The following FTO variants were observed in gnomAD, a reference collection of about 807,000 sequenced individuals.
FTO encodes FTO alpha-ketoglutarate dependent dioxygenase.
Under a neutral mutation model 63.9 loss-of-function variants are expected in FTO, and 47 were observed. That is an observed-to-expected ratio of 0.74 (90% CI 0.58 to 0.94). The LOEUF is 0.94. Ranked by LOEUF, FTO falls within the 40% of genes least tolerant of loss-of-function variation. The probability of loss-of-function intolerance (pLI) is 0.00; values close to 1 mark genes in which losing one functional copy is unlikely to be tolerated. For synonymous variants in FTO, 207 were observed against 224.4 expected, an observed-to-expected ratio of 0.92 and a Z score of 0.69; for missense variants, 562 against 618.1, an observed-to-expected ratio of 0.91 and a Z score of 0.96.
intron 8 of FTO, among the ~76,000 whole-genome samples, chr16:54,094,915 G>A (rs974351009): frequency 1.3e-5 from 2 of 152,018 alleles, no homozygotes; most frequent in African/African-American, 2.4e-5. Flanking sequence ...AAAACCCTCC[G>A]GCGGTTCCCC....
intron 1 of FTO, among the ~76,000 whole-genome samples, chr16:53,760,129 G>A (rs1330045576): frequency 6.6e-6 from 1 of 151,898 alleles, no homozygotes; most frequent in Non-Finnish European, 1.5e-5. Context: ...TCTGTAGATG[G>A]TGGCATGGGA....
chr16:53,741,560 T>C (rs2076528168), intron 1 of FTO, among the ~76,000 whole-genome samples: 1 of 152,210 alleles, frequency 6.6e-6, no homozygotes, highest in African/African-American at 2.4e-5. Flanking sequence ...AATTGTTTAA[T>C]GAAATAAAAC....
chr16:54,064,996 G>A (rs1384884070), intron 8 of FTO, among the ~76,000 whole-genome samples: 1 of 152,120 alleles, frequency 6.6e-6, no homozygotes, highest in Non-Finnish European at 1.5e-5. Flanking sequence ...GATGCTCCTG[G>A]AAGTGGTCTG....
At chr16:53,849,534 A>G (rs527408306) in intron 4 of FTO, among the ~76,000 whole-genome samples, 19 of 152,304 alleles carry the variant, frequency 1.2e-4, no homozygotes, top group Admixed American at 3.9e-4. Context: ...GGGTGAGGAG[A>G]ATTAATATCT....
chr16:53,811,932 C>A (rs1350737253), intron 2 of FTO, among the ~76,000 whole-genome samples: 4 of 151,936 alleles, frequency 2.6e-5, no homozygotes, highest in Non-Finnish European at 5.9e-5. Flanking sequence ...CCCACCTCAG[C>A]CTCCCAAGTA....
intron 1 of FTO, among the ~76,000 whole-genome samples, chr16:53,706,638 G>T (rs754538606): frequency 1.3e-5 from 2 of 152,068 alleles, no homozygotes; most frequent in Non-Finnish European, 2.9e-5. Context: ...GGCTGAAGCC[G>T]TCCTCCTGCC....
intron 1 of FTO, among the ~76,000 whole-genome samples, chr16:53,760,227 TGTGTGTGTGTGTGTGTGTGTGTGTG>T (rs1436628673): frequency 0.028 from 3,433 of 120,464 alleles, 230 homozygotes; most frequent in African/African-American, 0.12. Context: ...TGTGTGTGTG[TGTGTGTGTGTGTGTGTGTGTGTGTG>T]TGTGTGTGTT....
chr16:54,107,566 C>G lies in FTO; in HGVS notation c.1365-4196C>G, dbSNP rs568293981. 2.6e-5 allele frequency among the ~76,000 whole-genome samples: 4 copies of G among 152,304 alleles called. No individual in the cohort carries two copies. In the South Asian group the frequency reaches 8.3e-4, roughly 32 times the overall value. ...ACCCAGGTATTCTCTGCACACACTA[C>G]GCTGTATCAACCACAACATCTCAGT... On this transcript the variant is annotated intron_variant, in intron 8 of 8. Coordinates refer to ENST00000471389, the MANE Select transcript of FTO (RefSeq NM_001080432.3).
chr16:53,927,072 G>A (rs2082161206), intron 7 of FTO, among the ~76,000 whole-genome samples: 1 of 152,196 alleles, frequency 6.6e-6, no homozygotes, highest in East Asian at 1.9e-4. Context: ...TAACATGTTT[G>A]GACATATACT....
rs111446494 is a variant in FTO at position 53,768,847 on chromosome 16, G to C, written c.46-41293G>C. Among the ~76,000 whole-genome samples, 474 of 152,210 alleles carry C rather than the reference G, an allele frequency of 3.1e-3. 2 individuals carry two copies. The highest frequency in any genetic ancestry group is 0.016 in the South Asian group (76 of 4,828). On this transcript the variant is annotated intron_variant, in intron 1 of 8. Transcript: ENST00000471389. ...CCACCCTTGGAATTCCTCCTCAAGT[G>C]TGCGTTTGGTCACATCACCCCTGGC...
chr16:53,844,052 T>C, intron 3 of FTO, 103 bp from the exon 4 acceptor site: 1 of 863,986 alleles, frequency 1.2e-6, no homozygotes, highest in South Asian at 1.7e-5. Flanking sequence ...CATTTAATAT[T>C]CATATTTTAT....
At chr16:53,805,599 C>G (rs1030661867) in intron 1 of FTO, among the ~76,000 whole-genome samples, 3 of 152,088 alleles carry the variant, frequency 2.0e-5, no homozygotes, top group Admixed American at 6.6e-5. Flanking sequence ...CAAGTGCACA[C>G]CACCACGCCT....
chr16:53,799,389 G>A (rs1269465767), intron 1 of FTO, among the ~76,000 whole-genome samples: 6 of 151,954 alleles, frequency 3.9e-5, no homozygotes, highest in Admixed American at 3.3e-4. Flanking sequence ...TACTAAAAAG[G>A]GGCTATCCTT....
At chr16:53,738,761 C>A (rs1473618576) in intron 1 of FTO, among the ~76,000 whole-genome samples, 1 of 152,148 alleles carries the variant, frequency 6.6e-6, no homozygotes, top group East Asian at 1.9e-4. Flanking sequence ...GTCTATATAA[C>A]ACCATGTCAC....
chr16:53,853,169 C>T (rs13336708), intron 4 of FTO, among the ~76,000 whole-genome samples: 63,879 of 151,982 alleles, frequency 0.42, 16,023 homozygotes, highest in East Asian at 0.83. Flanking sequence ...GGCAGGCACC[C>T]GTAGTCCTAG....
intron 8 of FTO, among the ~76,000 whole-genome samples, chr16:54,006,992 A>G (rs2144041743): frequency 6.6e-6 from 1 of 152,342 alleles, no homozygotes; most frequent in East Asian, 1.9e-4. Flanking sequence ...GATGGAGGTT[A>G]GGGGAATTGT....
intron 7 of FTO, among the ~76,000 whole-genome samples, chr16:53,916,966 T>C (rs1348666986): frequency 6.6e-6 from 1 of 152,212 alleles, no homozygotes; most frequent in African/African-American, 2.4e-5. Flanking sequence ...CAAGTGAGAC[T>C]GTAGTCGGGG....
chr16:53,867,543 G>A (rs1027996491), intron 4 of FTO, among the ~76,000 whole-genome samples: 1 of 151,296 alleles, frequency 6.6e-6, no homozygotes, highest in Non-Finnish European at 1.5e-5. Flanking sequence ...GTGTACCTAT[G>A]TATGCTTATT....
intron 8 of FTO, among the ~76,000 whole-genome samples, chr16:53,968,671 C>T (rs2083247965): frequency 6.6e-6 from 1 of 152,184 alleles, no homozygotes; most frequent in African/African-American, 2.4e-5. Flanking sequence ...CTGTAGGAAT[C>T]TTGTACCAAC....
Sources: gnomAD v4.1 joint callset for allele counts (sites outside exome capture counted in the v4.1 genomes callset) on GRCh38, gnomAD v4.1.1 for gene constraint, MANE v1.5 for transcripts, NCBI Gene and HGNC (gene_info 2026-07-23, HGNC 2026-07-21) for gene names.